The following APOO variants were observed in gnomAD, a reference collection of about 807,000 sequenced individuals.
APOO encodes the protein MICOS complex subunit MIC26.
APOO carries 11 observed loss-of-function variants against 23.1 expected under a neutral mutation model. The observed-to-expected ratio is 0.48, with a 90% CI of 0.30 to 0.79. APOO has a LOEUF of 0.79. Among genes scored for constraint, APOO ranks in the 30% least tolerant of loss-of-function variants. The probability of loss-of-function intolerance (pLI) is 0.07; values close to 1 mark genes in which losing one functional copy is unlikely to be tolerated. For synonymous variants in APOO, 59 were observed against 54.8 expected, an observed-to-expected ratio of 1.08 and a Z score of -0.34; for missense variants, 160 against 142.7, an observed-to-expected ratio of 1.12 and a Z score of -0.62.
intron 8 of APOO, chrX:23,836,747 C>T: frequency 1.6e-6 from 1 of 617,590 alleles, no homozygotes; most frequent in Non-Finnish European, 2.4e-6. Context: ...AGATCTTATT[C>T]ATCAGCCTGC....
At chrX:23,866,562 GGAGTTCAA>G (rs1337383754) in intron 5 of APOO, among the ~76,000 whole-genome samples, 11 of 110,860 alleles carry the variant, frequency 9.9e-5, no homozygotes, top group African/African-American at 3.0e-4. Flanking sequence ...CTTGAGTTCA[GGAGTTCAA>G]GAGTTCAAGA....
chrX:23,843,867 G>T (rs755251947), intron 7 of APOO, among the ~76,000 whole-genome samples: 1 of 111,754 alleles, frequency 8.9e-6, no homozygotes, highest in Non-Finnish European at 1.9e-5. Flanking sequence ...ACAAGCATGA[G>T]CCACCGTGCC....
At chrX:23,837,331 G>C in intron 8 of APOO, 1 of 832,843 alleles carries the variant, frequency 1.2e-6, no homozygotes, top group Non-Finnish European at 1.7e-6. Flanking sequence ...TCTCGCAGTA[G>C]ACGCAGCAAA....
intron 4 of APOO, among the ~76,000 whole-genome samples, chrX:23,869,426 T>C (rs1039547048): frequency 2.7e-5 from 3 of 109,974 alleles, no homozygotes; most frequent in African/African-American, 9.9e-5. Context: ...TATTGCTATC[T>C]GAAGCTTTGC....
intron 3 of APOO, among the ~76,000 whole-genome samples, chrX:23,877,992 G>A (rs781725770): frequency 9.0e-6 from 1 of 111,669 alleles, no homozygotes; most frequent in Admixed American, 9.6e-5. Flanking sequence ...TTTCATTTAC[G>A]TAATGACAAA....
intron 1 of APOO, among the ~76,000 whole-genome samples, chrX:23,892,274 C>T (rs1225352968): frequency 3.8e-5 from 4 of 105,538 alleles, no homozygotes; most frequent in African/African-American, 1.0e-4. Context: ...TTTTTTGAGA[C>T]GGAGTCTCGC....
intron 5 of APOO, among the ~76,000 whole-genome samples, chrX:23,861,559 CAAAAAAAA>C (rs1344776442): frequency 2.6e-5 from 1 of 39,071 alleles, no homozygotes. Context: ...GATCCTGTCT[CAAAAAAAA>C]AAAAAAAAAA....
chrX:23,870,084 G>T (rs768608339), intron 4 of APOO, among the ~76,000 whole-genome samples: 7 of 111,781 alleles, frequency 6.3e-5, no homozygotes, highest in Non-Finnish European at 1.1e-4. Flanking sequence ...ATTTCACTCA[G>T]AAAATAGCCA....
At chrX:23,860,276 C>T (rs757406242) in intron 5 of APOO, among the ~76,000 whole-genome samples, 2 of 110,546 alleles carry the variant, frequency 1.8e-5, no homozygotes, top group African/African-American at 3.3e-5. Context: ...ACAGGACAAA[C>T]GCAAGTCCGA....
intron 1 of APOO, among the ~76,000 whole-genome samples, chrX:23,884,466 A>T (rs1296377431): frequency 3.6e-5 from 4 of 112,275 alleles, no homozygotes; most frequent in Non-Finnish European, 1.9e-5. Context: ...TTAAACTGAC[A>T]AGAATCGTGT....
At chrX:23,888,229 G>A (rs913296708) in intron 1 of APOO, among the ~76,000 whole-genome samples, 4 of 112,207 alleles carry the variant, frequency 3.6e-5, no homozygotes, top group African/African-American at 9.7e-5. Context: ...TGGGTTAGAT[G>A]AGGCCCTAAC....
chrX:23,888,355 G>A (rs1350059603), intron 1 of APOO, among the ~76,000 whole-genome samples: 1 of 111,563 alleles, frequency 9.0e-6, no homozygotes, highest in African/African-American at 3.3e-5. Flanking sequence ...AGGCAAGCAA[G>A]GTTATATATA....
chrX:23,880,783 A>C (rs752511324), intron 2 of APOO, 62 bp downstream of exon 2: 160 of 670,161 alleles, frequency 2.4e-4, no homozygotes, highest in Non-Finnish European at 3.2e-4. Context: ...ATTTGTAAAA[A>C]ATTATCCTAC....
chrX:23,872,809 G>T (rs1352555759), intron 4 of APOO, among the ~76,000 whole-genome samples: 2 of 110,594 alleles, frequency 1.8e-5, no homozygotes, highest in Non-Finnish European at 3.8e-5. Flanking sequence ...CCAGCACTTT[G>T]GGGGGCTGAG....
At chrX:23,849,291 T>C (rs1924409870) in intron 7 of APOO, among the ~76,000 whole-genome samples, 1 of 108,740 alleles carries the variant, frequency 9.2e-6, no homozygotes, top group Non-Finnish European at 1.9e-5. Flanking sequence ...ATTGAGCATC[T>C]ACAGCTGCTA....
At chrX:23,863,791 T>G (rs769415920) in intron 5 of APOO, among the ~76,000 whole-genome samples, 1 of 109,558 alleles carries the variant, frequency 9.1e-6, no homozygotes, top group Non-Finnish European at 1.9e-5. Flanking sequence ...TCAGGCCAGA[T>G]TGTAGGAGGA....
rs767698538 is a variant in APOO, at chrX:23,853,155, G to A, written c.561+3147C>T. On this transcript the variant is annotated intron_variant, in intron 7 of 8. Transcript: ENST00000379226. ...CGCCTGTAGTCCCAGCTACTCAGGA[G>A]GTTGAGACAGGAGAATGGCTTGAAC... 1.5e-4 allele frequency among the ~76,000 whole-genome samples: 17 copies of A among 111,228 alleles called. No individual in the cohort carries two copies. The East Asian group carries it at 4.8e-3, about 31-fold the overall frequency.
At chrX:23,842,143 C>T (rs1185773333) in intron 7 of APOO, among the ~76,000 whole-genome samples, 1 of 111,667 alleles carries the variant, frequency 9.0e-6, no homozygotes, top group Non-Finnish European at 1.9e-5. Flanking sequence ...AATCCCAGCA[C>T]TTCAGGAGGC....
chrX:23,841,652 G>C (rs1398928444), intron 7 of APOO, among the ~76,000 whole-genome samples: 1 of 109,474 alleles, frequency 9.1e-6, no homozygotes, highest in Non-Finnish European at 1.9e-5. Context: ...CTGAACAAGA[G>C]TGCTACAGGA....
Sources: gnomAD v4.1 joint callset for allele counts (sites outside exome capture counted in the v4.1 genomes callset) on GRCh38, gnomAD v4.1.1 for gene constraint, MANE v1.5 for transcripts, NCBI Gene and HGNC (gene_info 2026-07-23, HGNC 2026-07-21) for gene names.